The following GRID2 variants were observed in gnomAD, a reference collection of about 807,000 sequenced individuals.
GRID2 encodes the protein glutamate receptor ionotropic, delta-2.
In GRID2, 33 loss-of-function variants were observed where a neutral mutation model predicts 114.8. That is an observed-to-expected ratio of 0.29 (90% confidence interval 0.22 to 0.38). The LOEUF (loss-of-function observed/expected upper bound fraction) is 0.38. Among genes scored for constraint, GRID2 ranks in the 10% least tolerant of loss-of-function variants. The probability of loss-of-function intolerance (pLI) is 1.00; values close to 1 mark genes in which losing one functional copy is unlikely to be tolerated. For missense variants in GRID2, 1,184 were observed against 1,257.7 expected, an observed-to-expected ratio of 0.94 and a Z score of 0.89; for synonymous variants, 505 against 449.9, an observed-to-expected ratio of 1.12 and a Z score of -1.55.
intron 2 of GRID2, among the ~76,000 whole-genome samples, chr4:92,925,480 A>G (rs902581588): frequency 1.3e-5 from 2 of 152,108 alleles, no homozygotes; most frequent in Non-Finnish European, 2.9e-5. Context: ...TAAGAAGAGT[A>G]TATTTCCTTT....
At chr4:92,868,685 G>C (rs1458442023) in intron 2 of GRID2, among the ~76,000 whole-genome samples, 1 of 151,748 alleles carries the variant, frequency 6.6e-6, no homozygotes, top group Non-Finnish European at 1.5e-5. Context: ...TGAAAGAGCA[G>C]AGGAAAACTA....
At position 93,720,975 on chromosome 4, in the gene GRID2, A is replaced by T. The variant is rs557417692; in HGVS notation, c.2361-48235A>T. On this transcript the variant is annotated intron_variant, in intron 14 of 15. Transcript: ENST00000282020. ...GTGCAATTTATAGGATGAACACAAG[A>T]TATGTTTGCATCCTGAGATTTGCCA... 2.3e-4 allele frequency among the ~76,000 whole-genome samples: 35 copies of T among 152,272 alleles called. No homozygotes were observed. The South Asian group carries it at 6.8e-3, about 30-fold the overall frequency.
chr4:93,521,489 C>T (rs1480521845), intron 13 of GRID2, among the ~76,000 whole-genome samples: 1 of 152,010 alleles, frequency 6.6e-6, no homozygotes, highest in Admixed American at 6.6e-5. Flanking sequence ...TCAAGAAGTT[C>T]AGAGGATCAA....
intron 8 of GRID2, among the ~76,000 whole-genome samples, chr4:93,293,251 T>G (rs1360632333): frequency 6.6e-6 from 1 of 152,196 alleles, no homozygotes; most frequent in Non-Finnish European, 1.5e-5. Context: ...GCTGGTGTTC[T>G]CCACCAGTCA....
chr4:93,492,846 T>C (rs1727150804), intron 12 of GRID2, among the ~76,000 whole-genome samples: 1 of 151,860 alleles, frequency 6.6e-6, no homozygotes, highest in South Asian at 2.1e-4. Context: ...GTGCATTAGA[T>C]TCCCACAACT....
At chr4:92,680,368 T>C (rs1733591678) in intron 2 of GRID2, among the ~76,000 whole-genome samples, 1 of 152,136 alleles carries the variant, frequency 6.6e-6, no homozygotes. Context: ...CAGTGAACTG[T>C]AGGAATACAA....
rs1003766101 is a variant in GRID2, at chr4:93,310,885, T to C, written c.1245+72395T>C. 2.6e-5 allele frequency among the ~76,000 whole-genome samples: 4 copies of C among 152,186 alleles called. No homozygotes were observed. In the East Asian group the frequency reaches 7.7e-4, roughly 29 times the overall value. ...TTTCCTGAAGCAAACAGTAGAGTTATTTATAGGATTACAGTCTTATCTTTT... is the reference window on the plus strand; with the variant it reads ...TTTCCTGAAGCAAACAGTAGAGTTACTTATAGGATTACAGTCTTATCTTTT... On this transcript the variant is annotated intron_variant, in intron 8 of 15. Transcript: ENST00000282020.
chr4:93,616,419 C>T (rs1403192828), intron 13 of GRID2, among the ~76,000 whole-genome samples: 3 of 151,382 alleles, frequency 2.0e-5, no homozygotes, highest in African/African-American at 7.3e-5. Flanking sequence ...TGATGGTGCA[C>T]ACCTGTAGTC....
chr4:92,661,000 A>T (rs1732486165), intron 2 of GRID2, among the ~76,000 whole-genome samples: 1 of 150,958 alleles, frequency 6.6e-6, no homozygotes, highest in African/African-American at 2.4e-5. Flanking sequence ...AACTTCTGAG[A>T]TAAAAATATT....
At chr4:92,419,481 A>C (rs1226168566) in intron 1 of GRID2, among the ~76,000 whole-genome samples, 1 of 152,146 alleles carries the variant, frequency 6.6e-6, no homozygotes, top group African/African-American at 2.4e-5. Flanking sequence ...ACGTCAAATA[A>C]ATTTAAACAA....
In GRID2 at chr4:92,923,109, A is replaced by T. The variant is rs569093062; in HGVS notation, c.245-161886A>T. ...CCATTTTCTACCATGCATCATTTAA[A>T]CATAATTTTCATGAAATGCAATAGT... On this transcript the variant is annotated intron_variant, in intron 2 of 15. Coordinates refer to ENST00000282020, the MANE Select transcript of GRID2 (RefSeq NM_001510.4). Among the ~76,000 whole-genome samples the T allele has an allele frequency of 1.7e-3, 264 of 152,336 alleles. 1 individual carries two copies. The highest frequency in any genetic ancestry group is 2.6e-3 in the Non-Finnish European group (178 of 68,034).
chr4:93,008,500 T>C (rs1405517830), intron 2 of GRID2, among the ~76,000 whole-genome samples: 1 of 152,158 alleles, frequency 6.6e-6, no homozygotes, highest in Non-Finnish European at 1.5e-5. Context: ...CTTTTTCTTT[T>C]CAAAATGAAT....
chr4:92,869,524 C>T (rs2149444620), intron 2 of GRID2, among the ~76,000 whole-genome samples: 1 of 152,238 alleles, frequency 6.6e-6, no homozygotes, highest in African/African-American at 2.4e-5. Flanking sequence ...ATCTTTGTGT[C>T]CTTGGTGTCC....
chr4:92,552,848 T>C (rs1362193022), intron 1 of GRID2, among the ~76,000 whole-genome samples: 1 of 152,156 alleles, frequency 6.6e-6, no homozygotes, highest in African/African-American at 2.4e-5. Context: ...CCTTTGGAAT[T>C]ATATAGACTG....
At chr4:93,789,801 A>G (rs1350514646) in intron 1 of GRID2, among the ~76,000 whole-genome samples, 1 of 152,218 alleles carries the variant, frequency 6.6e-6, no homozygotes, top group Non-Finnish European at 1.5e-5. Flanking sequence ...TAAGAAATAT[A>G]TGAACCTCTA....
intron 2 of GRID2, among the ~76,000 whole-genome samples, chr4:93,060,112 TG>T (rs1473159579): frequency 2.0e-5 from 3 of 152,128 alleles, no homozygotes; most frequent in South Asian, 4.1e-4. Flanking sequence ...GAGTTTGCTT[TG>T]GCATGAAATG....
chr4:92,464,800 A>C (rs1721667711), intron 1 of GRID2, among the ~76,000 whole-genome samples: 1 of 152,132 alleles, frequency 6.6e-6, no homozygotes, highest in African/African-American at 2.4e-5. Context: ...CTCATAAGAT[A>C]GTATGAGAGG....
chr4:93,698,265 A>G (rs922894667), intron 14 of GRID2, among the ~76,000 whole-genome samples: 1 of 152,010 alleles, frequency 6.6e-6, no homozygotes, highest in African/African-American at 2.4e-5. Context: ...CTATCAATAC[A>G]CTAAATTAGT....
intron 4 of GRID2, among the ~76,000 whole-genome samples, chr4:93,115,328 A>G (rs911662100): frequency 6.6e-6 from 1 of 151,432 alleles, no homozygotes; most frequent in Non-Finnish European, 1.5e-5. Flanking sequence ...ATATCCTGCC[A>G]CTGTTCCTCA....
Sources: gnomAD v4.1 joint callset for allele counts (sites outside exome capture counted in the v4.1 genomes callset) on GRCh38, gnomAD v4.1.1 for gene constraint, MANE v1.5 for transcripts, NCBI Gene and HGNC (gene_info 2026-07-23, HGNC 2026-07-21) for gene names.